STAC: variants seen among roughly 807,000 people sequenced by gnomAD.
STAC encodes SH3 and cysteine rich domain.
STAC carries 43 observed loss-of-function variants against 48.8 expected under a neutral mutation model. The observed-to-expected ratio is 0.88, with a 90% CI of 0.69 to 1.14. The LOEUF is 1.14. STAC is among the 50% of genes most tolerant of loss of function. STAC has a pLI of 0.00. For missense variants in STAC, 497 were observed against 504.0 expected, an observed-to-expected ratio of 0.99 and a Z score of 0.13; for synonymous variants, 193 against 179.5, an observed-to-expected ratio of 1.07 and a Z score of -0.60.
chr3:36,539,500 G>C (rs1209872882), intron 10 of STAC, among the ~76,000 whole-genome samples: 2 of 152,084 alleles, frequency 1.3e-5, no homozygotes, highest in African/African-American at 4.8e-5. Flanking sequence ...AAGGACAATG[G>C]CCTCCAGCTC....
intron 6 of STAC, among the ~76,000 whole-genome samples, chr3:36,500,319 A>C (rs529307434): frequency 2.0e-5 from 3 of 152,222 alleles, no homozygotes; most frequent in Admixed American, 6.5e-5. Flanking sequence ...GCTAGAAGCC[A>C]TTATCCTAAA....
At chr3:36,411,046 C>G (rs73059948) in intron 1 of STAC, among the ~76,000 whole-genome samples, 3,538 of 152,296 alleles carry the variant, frequency 0.023, 61 homozygotes, top group East Asian at 0.026. Context: ...TGTCTATCAT[C>G]TAAGTAAATG....
At chr3:36,515,236 T>C (rs1404267859) in intron 8 of STAC, among the ~76,000 whole-genome samples, 2 of 151,716 alleles carry the variant, frequency 1.3e-5, no homozygotes, top group Non-Finnish European at 1.5e-5. Flanking sequence ...ATAACAATGG[T>C]TTTAAGACAA....
chr3:36,466,899 G>C (rs1697193115), intron 2 of STAC, among the ~76,000 whole-genome samples: 1 of 151,638 alleles, frequency 6.6e-6, no homozygotes. Flanking sequence ...TAGAAATGTT[G>C]AAAGTGGGCA....
rs1700705516 is a variant in STAC at position 36,431,543 on chromosome 3, G to T, written c.112-11821G>T. Among the ~76,000 whole-genome samples, 5 of 152,244 alleles carry T rather than the reference G, an allele frequency of 3.3e-5. No homozygotes were observed. The South Asian group carries it at 1.0e-3, about 32-fold the overall frequency. On this transcript the variant is annotated intron_variant, in intron 1 of 10. Transcript: ENST00000273183. ...ATTCCAGATCTGAGGAGCGTGCTCT[G>T]AAACTTGCCATACAATCCATTATAA...
intron 1 of STAC, among the ~76,000 whole-genome samples, chr3:36,421,450 G>A (rs906015229): frequency 1.3e-5 from 2 of 152,072 alleles, no homozygotes; most frequent in Admixed American, 6.5e-5. Context: ...GTCATACTAT[G>A]AGAATTCAAT....
intron 2 of STAC, among the ~76,000 whole-genome samples, chr3:36,448,418 C>T (rs944767394): frequency 4.0e-5 from 6 of 151,844 alleles, no homozygotes; most frequent in African/African-American, 1.2e-4. Flanking sequence ...GACGGGGTTT[C>T]GCATGTTGGC....
intron 8 of STAC, among the ~76,000 whole-genome samples, chr3:36,524,513 A>G (rs1010841481): frequency 6.6e-6 from 1 of 151,998 alleles, no homozygotes; most frequent in African/African-American, 2.4e-5. Flanking sequence ...AATCGCTTGA[A>G]CCTGGGAGGC....
chr3:36,524,607 TAAATA>T (rs774849338), intron 8 of STAC, among the ~76,000 whole-genome samples: 3 of 151,628 alleles, frequency 2.0e-5, no homozygotes, highest in Admixed American at 2.0e-4. Context: ...AATAAATAAA[TAAATA>T]AAATATATGT....
intron 1 of STAC, among the ~76,000 whole-genome samples, chr3:36,415,010 G>A (rs1700286727): frequency 6.6e-6 from 1 of 152,204 alleles, no homozygotes; most frequent in Non-Finnish European, 1.5e-5. Context: ...AAATGTTGCT[G>A]TCTGATCATT....
intron 2 of STAC, among the ~76,000 whole-genome samples, chr3:36,473,117 G>T (rs1697384922): frequency 6.6e-6 from 1 of 152,212 alleles, no homozygotes; most frequent in Non-Finnish European, 1.5e-5. Flanking sequence ...AAGAGAAAAT[G>T]AGGAGGAAGC....
In STAC at chr3:36,529,849, C is replaced by T. The variant is rs545360914; in HGVS notation, c.1110+864C>T. Among the ~76,000 whole-genome samples the T allele has an allele frequency of 2.2e-3, 337 of 152,226 alleles. No individual in the cohort carries two copies. In the Middle Eastern group the frequency reaches 0.024, roughly 11 times the overall value. Reference sequence around the variant, plus strand: ...ATATGCTTGGACTTACGGCAGGGCTCGGTGGCTCACGCCTGTAATCCCAGC... The same window carrying T: ...ATATGCTTGGACTTACGGCAGGGCTTGGTGGCTCACGCCTGTAATCCCAGC... On this transcript the variant is annotated intron_variant, in intron 10 of 10. Coordinates refer to ENST00000273183, the MANE Select transcript of STAC (RefSeq NM_003149.3).
At chr3:36,421,642 T>C (rs755673567) in intron 1 of STAC, among the ~76,000 whole-genome samples, 15 of 152,190 alleles carry the variant, frequency 9.9e-5, no homozygotes, top group Non-Finnish European at 2.1e-4. Context: ...TATGCCATAG[T>C]CATTCTGAAG....
chr3:36,457,964 A>G (rs1696898387), intron 2 of STAC, among the ~76,000 whole-genome samples: 1 of 152,166 alleles, frequency 6.6e-6, no homozygotes, highest in Non-Finnish European at 1.5e-5. Context: ...GTAGTCAGGA[A>G]CCGAAATAGG....
rs766915861 is a variant in STAC at position 36,504,464 on chromosome 3, A to G, written c.831+7A>G. On this transcript the variant is annotated splice_region_variant and intron_variant, in intron 7 of 10. Coordinates refer to ENST00000273183, the MANE Select transcript of STAC (RefSeq NM_003149.3). ...GAAGAACATAAACCACCAGGTATTTATGGATGTCACAGAAGACAAGTCAGA... is the reference window on the plus strand; with the variant it reads ...GAAGAACATAAACCACCAGGTATTTGTGGATGTCACAGAAGACAAGTCAGA... 53 of 1,613,302 alleles carry G rather than the reference A, an allele frequency of 3.3e-5. No homozygotes were observed. The highest frequency in any genetic ancestry group is 4.4e-5 in the Non-Finnish European group (52 of 1,179,572).
chr3:36,431,262 ACT>A (rs1700693217), intron 1 of STAC, among the ~76,000 whole-genome samples: 1 of 144,814 alleles, frequency 6.9e-6, no homozygotes, highest in Non-Finnish European at 1.5e-5. Flanking sequence ...AGGGCCCAGC[ACT>A]CTCTTTGTTC....
intron 1 of STAC, among the ~76,000 whole-genome samples, chr3:36,433,032 C>T (rs1700742500): frequency 6.6e-6 from 1 of 152,132 alleles, no homozygotes; most frequent in Admixed American, 6.5e-5. Context: ...TCATGGTCTG[C>T]AGCAGAGCCC....
chr3:36,419,047 C>CA (rs1193056059), intron 1 of STAC, among the ~76,000 whole-genome samples: 25,772 of 90,122 alleles, frequency 0.29, 2,703 homozygotes, highest in Admixed American at 0.33. Flanking sequence ...AACTCCGACT[C>CA]AAAAAAAAAA....
intron 1 of STAC, among the ~76,000 whole-genome samples, chr3:36,440,776 T>C (rs1696323009): frequency 6.6e-6 from 1 of 152,206 alleles, no homozygotes; most frequent in African/African-American, 2.4e-5. Context: ...CATATCTTCC[T>C]GGACTTTTGA....
Sources: gnomAD v4.1 joint callset for allele counts (sites outside exome capture counted in the v4.1 genomes callset) on GRCh38, gnomAD v4.1.1 for gene constraint, MANE v1.5 for transcripts, NCBI Gene and HGNC (gene_info 2026-07-23, HGNC 2026-07-21) for gene names.